The following SLC35F4 variants were observed in gnomAD, a reference collection of about 807,000 sequenced individuals.
The protein encoded by SLC35F4 is chromosome 14 open reading frame 36.
A neutral mutation model predicts 44.2 loss-of-function variants in SLC35F4; 24 were observed. The observed-to-expected ratio is 0.54, with a 90% CI of 0.39 to 0.76. SLC35F4 has a LOEUF of 0.76. Among genes scored for constraint, SLC35F4 ranks in the 30% least tolerant of loss-of-function variants. SLC35F4 has a pLI of 0.00. For synonymous variants in SLC35F4, 238 were observed against 223.6 expected, an observed-to-expected ratio of 1.06 and a Z score of -0.57; for missense variants, 562 against 586.1, an observed-to-expected ratio of 0.96 and a Z score of 0.42.
intron 1 of SLC35F4, among the ~76,000 whole-genome samples, chr14:57,823,738 C>T (rs565368683): frequency 4.3e-4 from 65 of 152,230 alleles, no homozygotes; most frequent in African/African-American, 1.5e-3. Flanking sequence ...TCACAGAATA[C>T]TGTTAAAGTA....
At chr14:57,850,582 C>G (rs1003753) in intron 1 of SLC35F4, among the ~76,000 whole-genome samples, 23,032 of 152,142 alleles carry the variant, frequency 0.15, 1,859 homozygotes, top group East Asian at 0.23. Context: ...GAAACTGATT[C>G]ATAGCTTTTC....
intron 1 of SLC35F4, among the ~76,000 whole-genome samples, chr14:57,924,567 G>A (rs1365544053): frequency 6.6e-6 from 1 of 151,898 alleles, no homozygotes; most frequent in East Asian, 1.9e-4. Flanking sequence ...TCCTGCCTCA[G>A]CCTCCTGAGT....
At chr14:57,583,432 A>ATCTTTTTCTTAT (rs2069445748) in intron 3 of SLC35F4, among the ~76,000 whole-genome samples, 2 of 152,200 alleles carry the variant, frequency 1.3e-5, no homozygotes, top group Non-Finnish European at 2.9e-5. Flanking sequence ...ATTAAAGGAT[A>ATCTTTTTCTTAT]TCTTTTTCTT....
chr14:57,878,253 G>A (rs1451126238), intron 1 of SLC35F4, among the ~76,000 whole-genome samples: 2 of 152,054 alleles, frequency 1.3e-5, no homozygotes, highest in Non-Finnish European at 2.9e-5. Flanking sequence ...CTCCCATTCT[G>A]TAGGCTGGTA....
chr14:57,875,979 T>A (rs1888393186), intron 1 of SLC35F4, among the ~76,000 whole-genome samples: 1 of 152,204 alleles, frequency 6.6e-6, no homozygotes, highest in Admixed American at 6.5e-5. Flanking sequence ...CTTCCAACCA[T>A]GGGTTAACAG....
intron 1 of SLC35F4, among the ~76,000 whole-genome samples, chr14:57,940,639 C>T (rs1889900608): frequency 6.6e-6 from 1 of 152,168 alleles, no homozygotes; most frequent in Non-Finnish European, 1.5e-5. Context: ...AAGGCGGCAG[C>T]CTAATTTTGC....
At position 57,890,873 on chromosome 14, in the gene SLC35F4, C is replaced by T. The variant is rs143540161; in HGVS notation, n.282+91040G>A. Among the ~76,000 whole-genome samples, 644 of 152,214 alleles carry T rather than the reference C, an allele frequency of 4.2e-3. 2 individuals are homozygous for T. Among genetic ancestry groups the T allele is most frequent in the Middle Eastern group, 0.01 (3 of 294 alleles). On this transcript the variant is annotated intron_variant and non_coding_transcript_variant, in intron 1 of 1. Transcript: ENST00000556568. ...AAGATTTGAATATAAAACATATTGGCAAACTCATTTTTTTCTGCACTAAGG... is the reference window on the plus strand; with the variant it reads ...AAGATTTGAATATAAAACATATTGGTAAACTCATTTTTTTCTGCACTAAGG...
At chr14:57,632,867 C>T (rs2072850408) in intron 1 of SLC35F4, among the ~76,000 whole-genome samples, 1 of 152,072 alleles carries the variant, frequency 6.6e-6, no homozygotes, top group South Asian at 2.1e-4. Flanking sequence ...TAAAAATCCT[C>T]TGTGCTTTGC....
chr14:57,950,335 C>T (rs934934206), intron 1 of SLC35F4, among the ~76,000 whole-genome samples: 1 of 151,898 alleles, frequency 6.6e-6, no homozygotes, highest in Non-Finnish European at 1.5e-5. Context: ...GTTTCCACTG[C>T]ATTTTGTATT....
At chr14:57,578,768 T>C (rs1250450224) in intron 4 of SLC35F4, 1 of 152,236 alleles carries the variant, frequency 6.6e-6, no homozygotes, top group African/African-American at 2.4e-5. Flanking sequence ...TCTTCACTTA[T>C]GGATATATTT....
At chr14:57,818,577 T>C (rs1882850863) in intron 1 of SLC35F4, among the ~76,000 whole-genome samples, 1 of 152,172 alleles carries the variant, frequency 6.6e-6, no homozygotes, top group Non-Finnish European at 1.5e-5. Flanking sequence ...GTGTGTTTCA[T>C]GGTGCTTCTC....
chr14:57,827,737 T>G (rs1382016979), intron 1 of SLC35F4, among the ~76,000 whole-genome samples: 1 of 151,986 alleles, frequency 6.6e-6, no homozygotes, highest in African/African-American at 2.4e-5. Context: ...CTTTGGTGAT[T>G]TTTTTGTTAA....
chr14:57,865,724 T>C lies in SLC35F4; in HGVS notation c.102A>G (p.Lys34=), dbSNP rs771948201. Residue 34 remains lysine (K), a splice_region_variant and synonymous_variant, in exon 1 of 8, where the codon AAA becomes AAG. Coordinates refer to ENST00000556826, the MANE Select transcript of SLC35F4 (RefSeq NM_001306087.2). ...CAGGGCAGCCGCGCGGCGTCTTACTTTTCTGGCTGGAGTAACCTGGATAAT... is the reference window on the plus strand; with the variant it reads ...CAGGGCAGCCGCGCGGCGTCTTACTCTTCTGGCTGGAGTAACCTGGATAAT... The part of the protein sequence containing the change: ...YGYYPGYSSQ[K]STSRSSVTRC... 50 of 1,517,410 alleles carry C rather than the reference T, an allele frequency of 3.3e-5. No individual in the cohort carries two copies. In the African/African-American group the frequency reaches 5.8e-4, roughly 18 times the overall value. 94.0% of individuals were successfully genotyped at this position (1,517,410 alleles called of 1,614,324 possible).
In SLC35F4 at chr14:57,780,779, G is replaced by A. The variant is rs535442597; in HGVS notation, c.103+84944C>T. On this transcript the variant is annotated intron_variant, in intron 1 of 7. Coordinates refer to ENST00000556826, the MANE Select transcript of SLC35F4 (RefSeq NM_001306087.2). The stretch of plus-strand genomic sequence containing the variant: ...ACACATATAAAAACATAGACCAAGG[G>A]AACAGAATAGAGAGTCCAGAAATAA... Among the ~76,000 whole-genome samples the A allele has an allele frequency of 5.9e-5, 9 of 151,824 alleles. No individual in the cohort carries two copies. In the South Asian group the frequency reaches 1.9e-3, roughly 32 times the overall value.
chr14:57,663,282 G>A (rs1325982405), intron 1 of SLC35F4, among the ~76,000 whole-genome samples: 1 of 152,168 alleles, frequency 6.6e-6, no homozygotes, highest in Non-Finnish European at 1.5e-5. Context: ...TAGTAGAACA[G>A]TGGTCATTTG....
At chr14:57,811,489 C>CA (rs149522572) in intron 1 of SLC35F4, among the ~76,000 whole-genome samples, 1,951 of 152,286 alleles carry the variant, frequency 0.013, 40 homozygotes, top group African/African-American at 0.045. Flanking sequence ...AAAGGACCAC[C>CA]ACAGATGTGG....
downstream of SLC35F4, among the ~76,000 whole-genome samples, chr14:57,975,698 C>T (rs990271109): frequency 6.6e-6 from 1 of 152,082 alleles, no homozygotes; most frequent in African/African-American, 2.4e-5. Flanking sequence ...TTCATTAAGC[C>T]AATAAAGAAT....
At chr14:57,733,223 C>T (rs1219521086) in intron 1 of SLC35F4, among the ~76,000 whole-genome samples, 1 of 152,062 alleles carries the variant, frequency 6.6e-6, no homozygotes, top group East Asian at 1.9e-4. Context: ...AAAGTACGTA[C>T]TTTGAAAATG....
At chr14:57,709,526 C>A (rs966578246) in intron 1 of SLC35F4, among the ~76,000 whole-genome samples, 2 of 151,886 alleles carry the variant, frequency 1.3e-5, no homozygotes, top group African/African-American at 4.8e-5. Flanking sequence ...TCTAGTATAA[C>A]TATTCTTATT....
Sources: gnomAD v4.1 joint callset for allele counts (sites outside exome capture counted in the v4.1 genomes callset) on GRCh38, gnomAD v4.1.1 for gene constraint, MANE v1.5 for transcripts, NCBI Gene and HGNC (gene_info 2026-07-23, HGNC 2026-07-21) for gene names.